PTPN4: variants seen among roughly 807,000 people sequenced by gnomAD.
PTPN4 encodes the protein tyrosine-protein phosphatase non-receptor type 4.
PTPN4 carries 49 observed loss-of-function variants against 135.5 expected under a neutral mutation model. The ratio of observed to expected loss-of-function variants is 0.36; its 90% CI spans 0.29 to 0.46. The LOEUF is 0.46. PTPN4 is among the 20% of genes least tolerant of loss of function. The pLI is 1.00. For synonymous variants in PTPN4, 333 were observed against 369.9 expected, an observed-to-expected ratio of 0.90 and a Z score of 1.14; for missense variants, 860 against 1,101.0, an observed-to-expected ratio of 0.78 and a Z score of 3.10.
chr2:119,862,076 A>G (rs1677767926), intron 2 of PTPN4, among the ~76,000 whole-genome samples: 1 of 152,254 alleles, frequency 6.6e-6, no homozygotes, highest in South Asian at 2.1e-4. Context: ...AGGCATAACA[A>G]AATGATATAG....
intron 5 of PTPN4, among the ~76,000 whole-genome samples, chr2:119,877,780 T>G (rs768029685): frequency 3.3e-5 from 5 of 152,112 alleles, no homozygotes; most frequent in African/African-American, 4.8e-5. Context: ...CTGAACCATG[T>G]AAATATTAAA....
At chr2:119,972,838 A>T (rs1434236385) in intron 26 of PTPN4, among the ~76,000 whole-genome samples, 2 of 152,116 alleles carry the variant, frequency 1.3e-5, no homozygotes, top group African/African-American at 4.8e-5. Flanking sequence ...TATTCTATTA[A>T]GGTGGTATAT....
intron 22 of PTPN4, among the ~76,000 whole-genome samples, chr2:119,957,487 C>T (rs1035847943): frequency 6.6e-6 from 1 of 152,094 alleles, no homozygotes; most frequent in African/African-American, 2.4e-5. Context: ...CAGTTTCATC[C>T]TGTAACCATC....
At chr2:119,830,635 AT>A (rs1204374950) in intron 2 of PTPN4, among the ~76,000 whole-genome samples, 1 of 151,954 alleles carries the variant, frequency 6.6e-6, no homozygotes, top group Non-Finnish European at 1.5e-5. Context: ...CGCCCCGCTA[AT>A]TTTTTATTTT....
At chr2:119,799,484 G>A (rs929026577) in intron 1 of PTPN4, among the ~76,000 whole-genome samples, 7 of 152,176 alleles carry the variant, frequency 4.6e-5, no homozygotes, top group Admixed American at 3.9e-4. Context: ...CCATTTAAAA[G>A]GGAAATACTA....
intron 25 of PTPN4, among the ~76,000 whole-genome samples, chr2:119,967,183 T>A (rs1182617512): frequency 3.9e-5 from 6 of 152,214 alleles, no homozygotes; most frequent in African/African-American, 1.2e-4. Flanking sequence ...CGGTGGCCCA[T>A]GCCTGGAATC....
At chr2:119,764,720 C>G (rs961337691) in intron 1 of PTPN4, among the ~76,000 whole-genome samples, 1 of 151,492 alleles carries the variant, frequency 6.6e-6, no homozygotes, top group East Asian at 1.9e-4. Flanking sequence ...ATAGGAATAG[C>G]GTCTTTTGTA....
Position 119,962,670 on chromosome 2 carries a change from T to C in PTPN4, c.2335T>C (p.Tyr779His). ...EPTGSSSYGC[Y>H]QVTCHSEEGN... ...CACAGGCAGTTCATCTTATGGATGC[T>C]ACCAAGTTACCTGCCACTCTGAAGA... is the stretch of plus-strand genomic sequence containing the variant. Residue 779 changes from tyrosine to histidine, a missense_variant, in exon 24 of 27, where the codon TAC becomes CAC. By Grantham distance (83) the Tyr-to-His change is moderately conservative (BLOSUM62 2). Transcript: ENST00000263708. 6.3e-7 allele frequency: 1 copy of C among 1,586,874 alleles called. No homozygotes were observed. The highest frequency in any genetic ancestry group is 8.6e-7 in the Non-Finnish European group (1 of 1,160,280).
At chr2:119,975,229 C>T (rs1250130057) in intron 26 of PTPN4, among the ~76,000 whole-genome samples, 4 of 152,184 alleles carry the variant, frequency 2.6e-5, no homozygotes, top group Admixed American at 6.5e-5. Context: ...CTCCCATCTC[C>T]ACCTCCCAAG....
At chr2:119,927,221 C>G (rs1558766420) in intron 13 of PTPN4, among the ~76,000 whole-genome samples, 1 of 147,298 alleles carries the variant, frequency 6.8e-6, no homozygotes. Context: ...TCAAGTGATT[C>G]TCCTGCCTCA....
intron 24 of PTPN4, among the ~76,000 whole-genome samples, chr2:119,963,301 A>G (rs879693203): frequency 6.6e-6 from 1 of 152,152 alleles, no homozygotes; most frequent in African/African-American, 2.4e-5. Flanking sequence ...AATGAAACTG[A>G]TTAATAAATG....
At chr2:119,920,690 G>A (rs1462119415) in intron 12 of PTPN4, among the ~76,000 whole-genome samples, 3 of 152,222 alleles carry the variant, frequency 2.0e-5, no homozygotes, top group East Asian at 1.9e-4. Flanking sequence ...AAACAGTCAC[G>A]AGGCAAAATC....
chr2:119,948,419 CTT>C (rs2105049630), intron 18 of PTPN4, among the ~76,000 whole-genome samples: 1 of 152,018 alleles, frequency 6.6e-6, no homozygotes, highest in East Asian at 1.9e-4. Flanking sequence ...TGATTTATAA[CTT>C]TGCTAAAAAC....
chr2:119,964,981 G>A (rs575483138), intron 24 of PTPN4, among the ~76,000 whole-genome samples: 1 of 152,306 alleles, frequency 6.6e-6, no homozygotes, highest in African/African-American at 2.4e-5. Context: ...GCAAGGAGAT[G>A]GGAGGAGACC....
intron 15 of PTPN4, among the ~76,000 whole-genome samples, chr2:119,943,331 A>G (rs1449076035): frequency 6.6e-6 from 1 of 152,120 alleles, no homozygotes; most frequent in Admixed American, 6.5e-5. Flanking sequence ...TCCAAGGGTC[A>G]CTCTGGCAGT....
chr2:119,823,665 C>G (rs144916625), intron 2 of PTPN4, among the ~76,000 whole-genome samples: 1 of 152,312 alleles, frequency 6.6e-6, no homozygotes, highest in African/African-American at 2.4e-5. Context: ...TTCCACAACT[C>G]AAATTCTGTG....
At chr2:119,929,564 AAAAC>A (rs1482139707) in intron 13 of PTPN4, among the ~76,000 whole-genome samples, 1 of 152,162 alleles carries the variant, frequency 6.6e-6, no homozygotes, top group East Asian at 1.9e-4. Context: ...AGAAAAGAGA[AAAAC>A]AATGTTCTCA....
chr2:119,964,739 T>G (rs1229868839), intron 24 of PTPN4, among the ~76,000 whole-genome samples: 1 of 152,230 alleles, frequency 6.6e-6, no homozygotes, highest in Non-Finnish European at 1.5e-5. Flanking sequence ...TGTAAAATAG[T>G]TTCTTTCCTT....
At chr2:119,765,949 C>T (rs1487801314) in intron 1 of PTPN4, among the ~76,000 whole-genome samples, 1 of 149,324 alleles carries the variant, frequency 6.7e-6, no homozygotes, top group East Asian at 2.0e-4. Flanking sequence ...CGCGCATGTG[C>T]GTTGATTGCA....
Sources: gnomAD v4.1 joint callset for allele counts (sites outside exome capture counted in the v4.1 genomes callset) on GRCh38, gnomAD v4.1.1 for gene constraint, MANE v1.5 for transcripts, NCBI Gene and HGNC (gene_info 2026-07-23, HGNC 2026-07-21) for gene names.